The following GAREM1 variants were observed in gnomAD, a reference collection of about 807,000 sequenced individuals.
The protein encoded by GAREM1 is GRB2 associated regulator of MAPK1 subtype 1.
A neutral mutation model predicts 71.3 loss-of-function variants in GAREM1; 26 were observed. That is an observed-to-expected ratio of 0.36 (90% CI 0.27 to 0.51). The LOEUF is 0.51. GAREM1 is among the 20% of genes least tolerant of loss of function. The pLI, the probability that GAREM1 is intolerant of heterozygous loss-of-function variation, is 0.95. For synonymous variants in GAREM1, 440 were observed against 433.2 expected (o/e 1.02, Z -0.20); for missense variants, 1,026 against 1,103.1 (o/e 0.93, Z 0.99).
At chr18:32,348,689 C>A (rs1301017072) in intron 2 of GAREM1, among the ~76,000 whole-genome samples, 1 of 152,158 alleles carries the variant, frequency 6.6e-6, no homozygotes, top group Non-Finnish European at 1.5e-5. Flanking sequence ...TGCCACTGCA[C>A]TCCAGCCTGA....
intron 2 of GAREM1, among the ~76,000 whole-genome samples, chr18:32,382,717 C>T (rs552613434): frequency 6.6e-6 from 1 of 152,138 alleles, no homozygotes; most frequent in Admixed American, 6.5e-5. Flanking sequence ...AGGCACCTTG[C>T]TCTTTAGAGC....
intron 1 of GAREM1, among the ~76,000 whole-genome samples, chr18:32,469,933 G>A (rs758329919): frequency 6.6e-6 from 1 of 152,188 alleles, no homozygotes; most frequent in Admixed American, 6.5e-5. Context: ...GCCACCCGGA[G>A]CACAATGATA....
Position 32,270,299 on chromosome 18 carries a change from G to C in GAREM1, c.1651C>G (p.Pro551Ala). Residue 551 changes from proline (P) to alanine (A), a missense_variant, in exon 5 of 6, where the codon CCT becomes GCT. Physicochemically the swap from Pro to Ala is conservative, Grantham distance 27 (BLOSUM62 -1). Around this residue, in one of 3 missense-constraint regions of GAREM1, gnomAD observed 636 missense variants for 631.2 expected, o/e 1.01. Coordinates refer to ENST00000269209, the MANE Select transcript of GAREM1 (RefSeq NM_001242409.2). Reference protein sequence around the residue: ...KPLSTSPSIPPRTVKPARQQT... With the variant: ...KPLSTSPSIPARTVKPARQQT... ...TGCCGCGCTGGCTTGACTGTGCGAG[G>C]AGGGATGGAGGGACTGGTGGACAAA... 11 of 1,614,062 alleles carry C rather than the reference G, an allele frequency of 6.8e-6. No homozygotes were observed. The highest frequency in any genetic ancestry group is 9.3e-6 in the Non-Finnish European group (11 of 1,179,978).
intron 2 of GAREM1, among the ~76,000 whole-genome samples, chr18:32,318,339 G>A (rs1417808833): frequency 2.0e-5 from 3 of 152,088 alleles, no homozygotes; most frequent in South Asian, 2.1e-4. Context: ...ATTTCAGAAT[G>A]GATAACACAT....
At chr18:32,413,255 C>G in intron 1 of GAREM1, 1 of 1,559,368 alleles carries the variant, frequency 6.4e-7, no homozygotes, top group Non-Finnish European at 8.8e-7. Flanking sequence ...AATATTTCAA[C>G]TACATATTTG....
At chr18:32,270,766 C>G (rs1256104605) in intron 4 of GAREM1, among the ~76,000 whole-genome samples, 1 of 152,050 alleles carries the variant, frequency 6.6e-6, no homozygotes, top group Non-Finnish European at 1.5e-5. Context: ...ACAAATTTAA[C>G]TTGAGGATTC....
At chr18:32,467,341 A>G (rs925547947) in intron 1 of GAREM1, among the ~76,000 whole-genome samples, 1 of 152,202 alleles carries the variant, frequency 6.6e-6, no homozygotes, top group African/African-American at 2.4e-5. Context: ...ACCTATTTAG[A>G]GCAGATGTCA....
intron 2 of GAREM1, among the ~76,000 whole-genome samples, chr18:32,346,901 G>A (rs753439955): frequency 9.2e-5 from 14 of 152,020 alleles, no homozygotes; most frequent in African/African-American, 2.7e-4. Flanking sequence ...GAAAGAGGCC[G>A]GTCACCAGGG....
intron 1 of GAREM1, among the ~76,000 whole-genome samples, chr18:32,430,936 C>T (rs1358012940): frequency 2.6e-5 from 4 of 152,134 alleles, no homozygotes; most frequent in Non-Finnish European, 5.9e-5. Context: ...AAGGGGGTTT[C>T]AGAGAGCTAG....
intron 3 of GAREM1, among the ~76,000 whole-genome samples, chr18:32,309,020 C>T (rs996398210): frequency 4.7e-5 from 7 of 150,100 alleles, no homozygotes; most frequent in African/African-American, 7.4e-5. Flanking sequence ...GTCTGTTTTT[C>T]ACATAGAGTG....
intron 1 of GAREM1, among the ~76,000 whole-genome samples, chr18:32,404,964 T>C (rs1438871096): frequency 6.6e-6 from 1 of 152,206 alleles, no homozygotes; most frequent in East Asian, 1.9e-4. Flanking sequence ...ATGAATAATT[T>C]AATAAGTTCT....
rs569430651 is a variant in GAREM1, at chr18:32,375,954, T to C, written c.262+16941A>G. On this transcript the variant is annotated intron_variant, in intron 2 of 5. Coordinates refer to ENST00000269209, the MANE Select transcript of GAREM1 (RefSeq NM_001242409.2). ...ACAAGTGGATTTCTAGGCATCTTAA[T>C]TTCTAACAGAAGTCTGCATGAACTT... Among the ~76,000 whole-genome samples the C allele has an allele frequency of 4.6e-5, 7 of 152,278 alleles. No homozygotes were observed. The East Asian group carries it at 1.4e-3, about 29-fold the overall frequency.
At chr18:32,434,155 T>C (rs1430462766) in intron 1 of GAREM1, among the ~76,000 whole-genome samples, 1 of 152,152 alleles carries the variant, frequency 6.6e-6, no homozygotes, top group Non-Finnish European at 1.5e-5. Flanking sequence ...TGAAAGCCAG[T>C]TTCTCACTGT....
chr18:32,419,952 T>C (rs2048504420), intron 1 of GAREM1, among the ~76,000 whole-genome samples: 1 of 152,194 alleles, frequency 6.6e-6, no homozygotes, highest in South Asian at 2.1e-4. Flanking sequence ...AGTTGTCACC[T>C]CGCCTAAGGT....
At position 32,298,571 on chromosome 18, in the gene GAREM1, C is replaced by T. The variant is rs111996197; in HGVS notation, c.394-10368G>A. Among the ~76,000 whole-genome samples, 487 of 152,114 alleles carry T rather than the reference C, an allele frequency of 3.2e-3. 5 individuals are homozygous for T. The highest frequency in any genetic ancestry group is 0.01 in the African/African-American group (417 of 41,490). Reference sequence around the variant, plus strand: ...AAACTATCAGGGTTTTACTTTTTACCGCTCATAATACCACTCAGAATTAAT... The same window carrying T: ...AAACTATCAGGGTTTTACTTTTTACTGCTCATAATACCACTCAGAATTAAT... On this transcript the variant is annotated intron_variant, in intron 3 of 5. Transcript: ENST00000269209.
intron 1 of GAREM1, among the ~76,000 whole-genome samples, chr18:32,440,210 A>G (rs963817551): frequency 1.3e-5 from 2 of 152,228 alleles, no homozygotes; most frequent in African/African-American, 4.8e-5. Flanking sequence ...AAGTCTTGAC[A>G]TGGAAACTAT....
chr18:32,466,298 T>C (rs2048998460), intron 1 of GAREM1, among the ~76,000 whole-genome samples: 1 of 151,890 alleles, frequency 6.6e-6, no homozygotes, highest in Admixed American at 6.6e-5. Flanking sequence ...TTTAAAGAGA[T>C]AAAGAAAAGG....
At chr18:32,456,706 C>T (rs2048892466) in intron 1 of GAREM1, among the ~76,000 whole-genome samples, 1 of 151,996 alleles carries the variant, frequency 6.6e-6, no homozygotes, top group Non-Finnish European at 1.5e-5. Flanking sequence ...TATTAGAAAT[C>T]ACAGAATTCT....
intron 2 of GAREM1, among the ~76,000 whole-genome samples, chr18:32,349,504 T>C (rs1009695482): frequency 1.3e-5 from 2 of 152,234 alleles, no homozygotes; most frequent in Non-Finnish European, 2.9e-5. Flanking sequence ...ATTCATCTGA[T>C]AAGTTCCATC....
Sources: allele counts gnomAD v4.1 joint callset (sites outside exome capture counted in the v4.1 genomes callset), GRCh38; gene constraint gnomAD v4.1.1; regional missense constraint gnomAD v4.1.1; transcripts MANE v1.5; gene names NCBI Gene and HGNC (gene_info 2026-07-23, HGNC 2026-07-21).